The following NRXN3 variants were observed in gnomAD, a reference collection of about 807,000 sequenced individuals.
NRXN3 encodes the protein neurexin III.
Under a neutral mutation model 137.6 loss-of-function variants are expected in NRXN3, and 32 were observed. The observed-to-expected ratio is 0.23, with a 90% CI of 0.18 to 0.31. The LOEUF (loss-of-function observed/expected upper bound fraction) is 0.31, where lower values mean the gene tolerates loss of function less well. NRXN3 is among the 10% of genes least tolerant of loss of function. The probability of loss-of-function intolerance (pLI) is 1.00; values close to 1 mark genes in which losing one functional copy is unlikely to be tolerated. For synonymous variants in NRXN3, 798 were observed against 784.5 expected (o/e 1.02, Z -0.29); for missense variants, 1,574 against 2,062.5 (o/e 0.76, Z 4.59).
Position 78,645,122 on chromosome 14 carries a change from C to G in NRXN3, c.760C>G (p.Arg254Gly), listed in dbSNP as rs2097674439. 1.3e-6 allele frequency: 2 copies of G among 1,550,100 alleles called. No homozygotes were observed. The highest frequency in any genetic ancestry group is 1.7e-6 in the Non-Finnish European group (2 of 1,153,454). ...TTTCCTCTTTTCTTTTCCTATAGCT[C>G]GAGAGGAGAATGTGGCCACTTTCCG... ...LSHLMMSEQA[R>G]EENVATFRGS... The change falls in exon 5 of 21, where the codon CGA becomes GGA. Residue 254 changes from arginine (R) to glycine (G), a missense_variant and splice_region_variant. This residue lies in a region of NRXN3 where 400 missense variants were observed against 527.3 expected (regional missense o/e 0.76). Coordinates refer to ENST00000335750, the MANE Select transcript of NRXN3 (RefSeq NM_001330195.2).
At chr14:79,144,577 T>G (rs2059119287) in intron 15 of NRXN3, among the ~76,000 whole-genome samples, 1 of 152,186 alleles carries the variant, frequency 6.6e-6, no homozygotes, top group Non-Finnish European at 1.5e-5. Flanking sequence ...AGGCAATTTG[T>G]GGTATAAAGA....
At chr14:78,237,473 G>A (rs1472649760) in intron 1 of NRXN3, among the ~76,000 whole-genome samples, 2 of 152,180 alleles carry the variant, frequency 1.3e-5, no homozygotes, top group East Asian at 1.9e-4. Flanking sequence ...CTCTCCAATG[G>A]TGGAGATGGA....
intron 10 of NRXN3, among the ~76,000 whole-genome samples, chr14:78,919,354 C>T (rs772123665): frequency 2.0e-5 from 3 of 152,032 alleles, no homozygotes; most frequent in South Asian, 2.1e-4. Context: ...TTATATTGAT[C>T]GTGTGTCAAT....
intron 15 of NRXN3, among the ~76,000 whole-genome samples, chr14:79,096,057 C>T (rs1180428161): frequency 6.6e-6 from 1 of 151,704 alleles, no homozygotes; most frequent in African/African-American, 2.4e-5. Context: ...CTTCCTGAGG[C>T]CCCTCCTCCT....
At chr14:78,665,169 T>C (rs1403117929) in intron 6 of NRXN3, among the ~76,000 whole-genome samples, 2 of 152,146 alleles carry the variant, frequency 1.3e-5, no homozygotes, top group East Asian at 1.9e-4. Flanking sequence ...ATAAGTGGCA[T>C]GAAGGAAATG....
At chr14:79,557,133 T>A (rs564986333) in intron 16 of NRXN3, among the ~76,000 whole-genome samples, 1 of 152,214 alleles carries the variant, frequency 6.6e-6, no homozygotes, top group South Asian at 2.1e-4. Context: ...AAAGCAATGA[T>A]TACTGTATTA....
chr14:79,370,097 C>G (rs2094040869), intron 15 of NRXN3, among the ~76,000 whole-genome samples: 2 of 152,186 alleles, frequency 1.3e-5, no homozygotes, highest in South Asian at 4.1e-4. Flanking sequence ...TCGGCCTTTG[C>G]TGTTCTCCCT....
intron 19 of NRXN3, among the ~76,000 whole-genome samples, chr14:79,773,493 T>A (rs2099086139): frequency 6.6e-6 from 1 of 151,448 alleles, no homozygotes; most frequent in African/African-American, 2.4e-5. Flanking sequence ...ATGGATGAAA[T>A]TGGAAATCAT....
chr14:79,575,919 A>G lies in NRXN3; in HGVS notation c.3445-87859A>G, dbSNP rs569813999. On this transcript the variant is annotated intron_variant, in intron 16 of 20. Transcript: ENST00000335750. ...GCAAGAGTCTGTTATAAAATTGATC[A>G]GTTGGCCAAGTTATGCTATTTTTTT... Among the ~76,000 whole-genome samples, 59 of 152,306 alleles carry G rather than the reference A, an allele frequency of 3.9e-4. 1 individual carries two copies. The highest frequency in any genetic ancestry group is 3.5e-3 in the Admixed American group (53 of 15,302).
At chr14:79,428,650 G>A (rs905888895) in intron 15 of NRXN3, among the ~76,000 whole-genome samples, 14 of 151,992 alleles carry the variant, frequency 9.2e-5, no homozygotes, top group Non-Finnish European at 8.8e-5. Context: ...TAAATATATA[G>A]CAAAATCAGC....
intron 11 of NRXN3, among the ~76,000 whole-genome samples, chr14:78,963,664 A>G (rs1188063513): frequency 6.6e-6 from 1 of 152,152 alleles, no homozygotes; most frequent in Non-Finnish European, 1.5e-5. Context: ...TGATTTTTAT[A>G]TTTAAGTTAA....
chr14:79,124,398 A>C (rs73324756), intron 15 of NRXN3, among the ~76,000 whole-genome samples: 1,778 of 152,210 alleles, frequency 0.012, 34 homozygotes, highest in African/African-American at 0.04. Context: ...AAGCCATGTC[A>C]TTTGCTTACA....
At chr14:79,429,706 T>C (rs2095714363) in intron 15 of NRXN3, among the ~76,000 whole-genome samples, 1 of 152,318 alleles carries the variant, frequency 6.6e-6, no homozygotes, top group South Asian at 2.1e-4. Context: ...CAAGGGCTTC[T>C]AGTCATTGAC....
intron 4 of NRXN3, among the ~76,000 whole-genome samples, chr14:78,613,694 A>G (rs2097321422): frequency 6.7e-6 from 1 of 148,738 alleles, no homozygotes. Flanking sequence ...AAATTGGTGG[A>G]GAACTTTGGA....
At chr14:78,793,724 C>T (rs1340380642) in intron 8 of NRXN3, among the ~76,000 whole-genome samples, 1 of 152,068 alleles carries the variant, frequency 6.6e-6, no homozygotes, top group Non-Finnish European at 1.5e-5. Context: ...ACTTAGTTAC[C>T]GAGGCTCCAG....
intron 15 of NRXN3, among the ~76,000 whole-genome samples, chr14:79,216,743 C>T (rs1340869319): frequency 6.6e-6 from 1 of 152,120 alleles, no homozygotes; most frequent in African/African-American, 2.4e-5. Flanking sequence ...ATTTGTGTAG[C>T]TTATTTAACT....
Position 79,497,982 on chromosome 14 carries a change from C to T in NRXN3, c.3444+30580C>T, listed in dbSNP as rs149436874. 5.3e-4 allele frequency among the ~76,000 whole-genome samples: 80 copies of T among 152,054 alleles called. 1 individual carries two copies. The highest frequency in any genetic ancestry group is 3.4e-3 in the Middle Eastern group (1 of 294). Reference sequence around the variant, plus strand: ...CCAGGATGCAGAGGTTGTGGTGAGCCGAGATCATGCCACTGCACTCCAGCC... The same window carrying T: ...CCAGGATGCAGAGGTTGTGGTGAGCTGAGATCATGCCACTGCACTCCAGCC... On this transcript the variant is annotated intron_variant, in intron 16 of 20. Coordinates refer to ENST00000335750, the MANE Select transcript of NRXN3 (RefSeq NM_001330195.2).
At chr14:78,914,017 T>A (rs2099248227) in intron 10 of NRXN3, among the ~76,000 whole-genome samples, 1 of 152,164 alleles carries the variant, frequency 6.6e-6, no homozygotes, top group Admixed American at 6.5e-5. Flanking sequence ...TCTGAACACT[T>A]CTTGAACTGA....
intron 19 of NRXN3, among the ~76,000 whole-genome samples, chr14:79,761,751 A>T (rs1012821544): frequency 1.3e-5 from 2 of 150,778 alleles, no homozygotes; most frequent in Non-Finnish European, 2.9e-5. Context: ...AGTAGTGTCC[A>T]GTTTTGAATC....
Sources: gnomAD v4.1 joint callset for allele counts (sites outside exome capture counted in the v4.1 genomes callset) on GRCh38, gnomAD v4.1.1 for gene constraint, gnomAD v4.1.1 regional missense constraint, MANE v1.5 for transcripts, NCBI Gene and HGNC (gene_info 2026-07-23, HGNC 2026-07-21) for gene names.